VPS53: variants seen among roughly 807,000 people sequenced by gnomAD.
VPS53 encodes the protein vacuolar protein sorting-associated protein 53 homolog.
Under a neutral mutation model 107.0 loss-of-function variants are expected in VPS53, and 70 were observed. The ratio of observed to expected loss-of-function variants is 0.65; its 90% CI spans 0.54 to 0.80. VPS53 has a LOEUF of 0.80. VPS53 is among the 30% of genes least tolerant of loss of function. The pLI, the probability that VPS53 is intolerant of heterozygous loss-of-function variation, is 0.00. For synonymous variants in VPS53, 409 were observed against 393.3 expected (o/e 1.04, Z -0.47); for missense variants, 917 against 1,049.4 (o/e 0.87, Z 1.74).
rs117013742 is a variant in VPS53 at position 688,639 on chromosome 17, C to T, written c.285+8779G>A. On this transcript the variant is annotated intron_variant, in intron 4 of 21. Coordinates refer to ENST00000437048, the MANE Select transcript of VPS53 (RefSeq NM_001128159.3). ...GAAGCAGGCAAAATGAACAGTCGCC[C>T]GCCCCGCCTCAACTACAACCAGTAG... Among the ~76,000 whole-genome samples, 177 of 151,970 alleles carry T rather than the reference C, an allele frequency of 1.2e-3. 1 individual carries two copies. Among genetic ancestry groups the T allele is most frequent in the Non-Finnish European group, 1.9e-3 (132 of 67,980 alleles).
At chr17:572,426 C>T (rs1470893302) in intron 13 of VPS53, among the ~76,000 whole-genome samples, 14 of 149,036 alleles carry the variant, frequency 9.4e-5, no homozygotes, top group South Asian at 2.1e-4. Context: ...GGGTCAGCCC[C>T]CCGCCCGGCC....
intron 6 of VPS53, among the ~76,000 whole-genome samples, chr17:654,461 G>T (rs538118683): frequency 6.6e-6 from 1 of 151,922 alleles, no homozygotes; most frequent in African/African-American, 2.4e-5. Flanking sequence ...AGGATTGGCC[G>T]GGCGCGGTGG....
In VPS53 at chr17:518,468, G is replaced by A. The variant is rs1226718818; in HGVS notation, c.*660C>T. ...TGGAAAGTGCTGTGGACCTGAAGGT[G>A]AGTGGGCAGAAAGGGGTTTGAGAGT... On this transcript the variant is annotated 3_prime_UTR_variant, in exon 22 of 22. Transcript: ENST00000437048. 1 of 152,294 alleles carries A rather than the reference G, an allele frequency of 6.6e-6. No homozygotes were observed. The highest frequency in any genetic ancestry group is 2.4e-5 in the African/African-American group (1 of 41,454). The allele number at this position is 152,294 out of a possible 1,614,324, so 9.4% of individuals were successfully genotyped here.
intron 4 of VPS53, among the ~76,000 whole-genome samples, chr17:664,603 C>G (rs1189148901): frequency 6.6e-6 from 1 of 152,108 alleles, no homozygotes; most frequent in African/African-American, 2.4e-5. Context: ...ACTGAAGGGT[C>G]TAAACAAGGG....
intron 7 of VPS53, among the ~76,000 whole-genome samples, chr17:637,209 G>A (rs1306555771): frequency 1.3e-5 from 2 of 152,158 alleles, no homozygotes; most frequent in Non-Finnish European, 2.9e-5. Flanking sequence ...TTGCATAGGG[G>A]TGTTTATAGT....
intron 19 of VPS53, among the ~76,000 whole-genome samples, chr17:526,130 G>C (rs905231671): frequency 6.7e-6 from 1 of 150,124 alleles, no homozygotes; most frequent in Non-Finnish European, 1.5e-5. Flanking sequence ...TTTGTTTAAA[G>C]ACTACCATTC....
At chr17:710,749 GCAGA>G in intron 1 of VPS53, 136 bp from the exon 2 acceptor site, 1 of 601,004 alleles carries the variant, frequency 1.7e-6, no homozygotes, top group Non-Finnish European at 2.9e-6. Context: ...GGAGGCCAAA[GCAGA>G]TGGATCACCT....
chr17:594,146 C>G (rs921070591), intron 12 of VPS53, among the ~76,000 whole-genome samples: 1 of 151,396 alleles, frequency 6.6e-6, no homozygotes, highest in African/African-American at 2.4e-5. Flanking sequence ...ACATCACACT[C>G]TGGGGACTGT....
intron 8 of VPS53, among the ~76,000 whole-genome samples, chr17:628,432 C>T (rs1024017305): frequency 3.9e-5 from 6 of 152,282 alleles, no homozygotes; most frequent in African/African-American, 4.8e-5. Flanking sequence ...TTACAGCAAG[C>T]GACAGAAAAA....
chr17:578,562 C>T (rs149839954), intron 13 of VPS53, among the ~76,000 whole-genome samples: 197 of 150,700 alleles, frequency 1.3e-3, no homozygotes, highest in African/African-American at 4.4e-3. Flanking sequence ...TAATGCGTTC[C>T]CAGAGAAATT....
intron 4 of VPS53, chr17:674,765 A>C (rs965737334): frequency 3.3e-5 from 5 of 152,248 alleles, no homozygotes; most frequent in Admixed American, 6.5e-5. Flanking sequence ...CACTGTTTAA[A>C]GATAATTTAG....
At position 515,543 on chromosome 17, in the gene VPS53, G is replaced by A. The variant is rs1052219102; in HGVS notation, c.*3585C>T. 2.6e-5 allele frequency: 4 copies of A among 151,882 alleles called. No individual in the cohort carries two copies. The highest frequency in any genetic ancestry group is 5.9e-5 in the Non-Finnish European group (4 of 67,986). The allele number at this position is 151,882 out of a possible 1,614,324, so 9.4% of individuals were successfully genotyped here. A position where few individuals can be genotyped will look rare whatever the true frequency, so the allele number is the denominator to read the frequency against. The stretch of plus-strand genomic sequence containing the variant: ...ACCATGCCCGGCCTATTTTTTAATA[G>A]AGATGGGGTCTCACTCTGTTGCCCA... On this transcript the variant is annotated 3_prime_UTR_variant, in exon 22 of 22. Transcript: ENST00000437048.
intron 17 of VPS53, among the ~76,000 whole-genome samples, chr17:544,702 A>G (rs756764782): frequency 6.6e-6 from 1 of 152,222 alleles, no homozygotes; most frequent in Admixed American, 6.5e-5. Context: ...TATTGTTAGA[A>G]TGAAATTAAT....
intron 4 of VPS53, among the ~76,000 whole-genome samples, chr17:696,513 G>T (rs1222900361): frequency 2.0e-5 from 3 of 152,188 alleles, no homozygotes; most frequent in African/African-American, 7.2e-5. Context: ...GCTGATAAGG[G>T]AGGACAGGAC....
chr17:555,630 C>T (rs776396217), intron 15 of VPS53, among the ~76,000 whole-genome samples: 3 of 152,204 alleles, frequency 2.0e-5, no homozygotes, highest in Non-Finnish European at 4.4e-5. Flanking sequence ...CCCCTGCACT[C>T]GGCCAGAGTA....
chr17:632,570 C>A (rs1198387531), intron 7 of VPS53, among the ~76,000 whole-genome samples: 5 of 152,060 alleles, frequency 3.3e-5, no homozygotes, highest in Non-Finnish European at 7.4e-5. Flanking sequence ...AAATTATTAA[C>A]CGTAGTCACC....
intron 9 of VPS53, among the ~76,000 whole-genome samples, chr17:627,669 G>A (rs1004538454): frequency 1.3e-5 from 2 of 152,058 alleles, no homozygotes; most frequent in South Asian, 2.1e-4. Flanking sequence ...CCAGCTACTT[G>A]GGAGGGGGAG....
At chr17:657,484 T>G (rs980311914) in intron 5 of VPS53, 166 of 1,472,402 alleles carry the variant, frequency 1.1e-4, no homozygotes, top group Middle Eastern at 1.8e-4. Context: ...CCGGTCAATT[T>G]ATCCAGCATC....
At chr17:547,660 T>TA (rs1414219054) in intron 17 of VPS53, among the ~76,000 whole-genome samples, 1 of 152,026 alleles carries the variant, frequency 6.6e-6, no homozygotes, top group Admixed American at 6.6e-5. Context: ...ATTTATAAAA[T>TA]AGAGTCTCAC....
Sources: gnomAD v4.1 joint callset for allele counts (sites outside exome capture counted in the v4.1 genomes callset) on GRCh38, gnomAD v4.1.1 for gene constraint, MANE v1.5 for transcripts, NCBI Gene and HGNC (gene_info 2026-07-23, HGNC 2026-07-21) for gene names.